The following E2F5 variants were observed in gnomAD, a reference collection of about 807,000 sequenced individuals.
The protein encoded by E2F5 is E2F transcription factor 5.
Under a neutral mutation model 39.1 loss-of-function variants are expected in E2F5, and 23 were observed. That is an observed-to-expected ratio of 0.59 (90% CI 0.42 to 0.83). E2F5 has a LOEUF of 0.83. Ranked by LOEUF, E2F5 falls within the 40% of genes least tolerant of loss-of-function variation. E2F5 has a pLI of 0.00. For missense variants in E2F5, 365 were observed against 406.7 expected, an observed-to-expected ratio of 0.90 and a Z score of 0.88; for synonymous variants, 145 against 157.8, an observed-to-expected ratio of 0.92 and a Z score of 0.61.
intron 1 of E2F5, among the ~76,000 whole-genome samples, chr8:85,181,729 G>A (rs1812219257): frequency 6.6e-6 from 1 of 150,938 alleles, no homozygotes; most frequent in Non-Finnish European, 1.5e-5. Context: ...AGAGGCCGAG[G>A]CGGGCAGATC....
At chr8:85,183,901 C>T (rs1259961848) in intron 1 of E2F5, among the ~76,000 whole-genome samples, 1 of 152,062 alleles carries the variant, frequency 6.6e-6, no homozygotes, top group East Asian at 1.9e-4. Context: ...TAAGCTGTGA[C>T]CTGATCTAAT....
chr8:85,188,533 A>G (rs1812392943), intron 1 of E2F5, among the ~76,000 whole-genome samples: 1 of 152,124 alleles, frequency 6.6e-6, no homozygotes, highest in East Asian at 1.9e-4. Flanking sequence ...CTTTTGGCAG[A>G]TGTGGCCAGC....
intron 3 of E2F5, among the ~76,000 whole-genome samples, chr8:85,205,226 T>G (rs185430413): frequency 1.4e-4 from 21 of 151,410 alleles, no homozygotes; most frequent in Admixed American, 1.4e-3. Flanking sequence ...AATCGTAGTG[T>G]TCTCCCCACC....
At position 85,212,142 on chromosome 8, in the gene E2F5, T is replaced by C; in HGVS notation, c.884-15T>C. ...TGTTAACAGAAATATAACAAAACTT[T>C]ATTACTGTTTCCAGCAGGATCTATT... is the stretch of plus-strand genomic sequence containing the variant. On this transcript the variant is annotated splice_polypyrimidine_tract_variant and intron_variant, in intron 6 of 7. Coordinates refer to ENST00000416274, the MANE Select transcript of E2F5 (RefSeq NM_001951.4). The C allele has an allele frequency of 6.2e-7, 1 of 1,601,724 alleles. No homozygotes were observed. The highest frequency in any genetic ancestry group is 8.5e-7 in the Non-Finnish European group (1 of 1,171,170).
chr8:85,184,312 A>C (rs2136041165), intron 1 of E2F5, among the ~76,000 whole-genome samples: 1 of 152,348 alleles, frequency 6.6e-6, no homozygotes, highest in African/African-American at 2.4e-5. Flanking sequence ...AACAAAATTC[A>C]ACAGCCCTTC....
intron 3 of E2F5, 102 bp from the exon 4 acceptor site, chr8:85,206,075 G>A: frequency 9.1e-7 from 1 of 1,097,610 alleles, no homozygotes; most frequent in Non-Finnish European, 1.4e-6. Flanking sequence ...CAGTCCCTCT[G>A]TGCATATGGT....
At chr8:85,186,689 ATATATATGG>A (rs1299749667) in intron 1 of E2F5, among the ~76,000 whole-genome samples, 7 of 147,244 alleles carry the variant, frequency 4.8e-5, no homozygotes, top group East Asian at 2.0e-4. Context: ...TATATATGGT[ATATATATGG>A]TATATATGGT....
At chr8:85,185,665 A>G (rs1812315132) in intron 1 of E2F5, among the ~76,000 whole-genome samples, 1 of 152,218 alleles carries the variant, frequency 6.6e-6, no homozygotes, top group Admixed American at 6.5e-5. Context: ...ACGAATTTAC[A>G]ATAAAAAACA....
In E2F5 at chr8:85,177,661, T is replaced by C. The variant is rs767714569; in HGVS notation, c.234+7T>C. 1.6e-6 allele frequency: 2 copies of C among 1,284,386 alleles called. No homozygotes were observed. The highest frequency in any genetic ancestry group is 2.0e-6 in the Non-Finnish European group (2 of 1,012,914). 79.6% of individuals were successfully genotyped at this position (1,284,386 alleles called of 1,614,324 possible). On this transcript the variant is annotated splice_region_variant and intron_variant, in intron 1 of 7. Coordinates refer to ENST00000416274, the MANE Select transcript of E2F5 (RefSeq NM_001951.4). Reference sequence around the variant, plus strand: ...CGTTCTGGATCTCAAAGCGGTGAGCTCCGGAGGCGGGGACGGGGGCGGACT... The same window carrying C: ...CGTTCTGGATCTCAAAGCGGTGAGCCCCGGAGGCGGGGACGGGGGCGGACT...
At chr8:85,190,544 C>G (rs1173116824) in intron 1 of E2F5, among the ~76,000 whole-genome samples, 2 of 124,622 alleles carry the variant, frequency 1.6e-5, no homozygotes, top group Admixed American at 9.3e-5. Context: ...CGCTCTGTCA[C>G]CCAGGTTGAA....
chr8:85,181,251 T>C (rs1211848610), intron 1 of E2F5, among the ~76,000 whole-genome samples: 2 of 152,166 alleles, frequency 1.3e-5, no homozygotes, highest in African/African-American at 2.4e-5. Context: ...TCATAAAGTA[T>C]CCTAGACCAC....
At chr8:85,184,819 C>A (rs1415311007) in intron 1 of E2F5, among the ~76,000 whole-genome samples, 3 of 152,108 alleles carry the variant, frequency 2.0e-5, no homozygotes, top group Non-Finnish European at 4.4e-5. Flanking sequence ...TGTGAAGGAC[C>A]TCTTCAAGGA....
chr8:85,181,932 T>C (rs1469925376), intron 1 of E2F5, among the ~76,000 whole-genome samples: 8 of 149,772 alleles, frequency 5.3e-5, no homozygotes, highest in Admixed American at 2.7e-4. Context: ...CTGCACTCCA[T>C]CCTGGGCGAC....
chr8:85,189,213 G>C (rs1377157190), intron 1 of E2F5, among the ~76,000 whole-genome samples: 3 of 152,070 alleles, frequency 2.0e-5, no homozygotes, highest in Admixed American at 6.5e-5. Flanking sequence ...AATTACTGAA[G>C]TATCAGTAGA....
chr8:85,214,226 T>C lies in E2F5; in HGVS notation c.*364T>C. On this transcript the variant is annotated 3_prime_UTR_variant, in exon 8 of 8. Transcript: ENST00000416274. ...GGCCAAGGACTCATTACTTGTCTTA[T>C]ATTTTTACTGCCACTAAACTGCCTG... The C allele has an allele frequency of 1.8e-6, 1 of 543,416 alleles. No homozygotes were observed. The highest frequency in any genetic ancestry group is 1.5e-5 in the South Asian group (1 of 64,946). 33.7% of individuals were successfully genotyped at this position (543,416 alleles called of 1,614,324 possible). A position where few individuals can be genotyped will look rare whatever the true frequency, so the allele number is the denominator to read the frequency against.
In E2F5 at chr8:85,177,485, G is replaced by A. The variant is rs1387973792; in HGVS notation, c.65G>A (p.Arg22Gln). 4 of 1,031,256 alleles carry A rather than the reference G, an allele frequency of 3.9e-6. No individual in the cohort carries two copies. Among genetic ancestry groups the A allele is most frequent in the African/African-American group, 3.5e-5 (2 of 57,864 alleles). 63.9% of individuals were successfully genotyped at this position (1,031,256 alleles called of 1,614,324 possible). ...QAPAGQGQGQ[R>Q]PPPQPPQAQA... ...CCGGCAGGGCAGGGGCAGGGCCAGC[G>A]GCCGCCGCCGCAGCCTCCGCAGGCG... is the stretch of plus-strand genomic sequence containing the variant. The change falls in exon 1 of 8, where the codon CGG (arginine) becomes CAG (glutamine). Residue 22 changes from arginine to glutamine, a missense_variant. Physicochemically the swap from Arg to Gln is conservative, Grantham distance 43 (BLOSUM62 1). Coordinates refer to ENST00000416274, the MANE Select transcript of E2F5 (RefSeq NM_001951.4).
rs1812712664 is a variant in E2F5, at chr8:85,202,241, A to C, written c.329A>C (p.Asn110Thr). 1 of 1,609,838 alleles carries C rather than the reference A, an allele frequency of 6.2e-7. No individual in the cohort carries two copies. The highest frequency in any genetic ancestry group is 1.7e-5 in the Admixed American group (1 of 59,560). ...GACTTGATTGAAAAAAAGTCAAAAAACAGTATCCAGTGGAAGTAAGTTACA... is the reference window on the plus strand; with the variant it reads ...GACTTGATTGAAAAAAAGTCAAAAACCAGTATCCAGTGGAAGTAAGTTACA... ...GIDLIEKKSK[N>T]SIQWKGVGAG... Residue 110 changes from asparagine (N) to threonine (T), a missense_variant, in exon 2 of 8, where the codon AAC becomes ACC. Coordinates refer to ENST00000416274, the MANE Select transcript of E2F5 (RefSeq NM_001951.4).
rs72682912 is a variant in E2F5 at position 85,188,735 on chromosome 8, C to T, written c.234+11081C>T. ...GCTGGATCTAGAGCTTCAGTCTATG[C>T]GCACTAGCCTGGAACATGGGGTTGT... On this transcript the variant is annotated intron_variant, in intron 1 of 7. Coordinates refer to ENST00000416274, the MANE Select transcript of E2F5 (RefSeq NM_001951.4). Among the ~76,000 whole-genome samples the T allele has an allele frequency of 7.3e-3, 1,109 of 152,246 alleles. 6 individuals carry two copies. The highest frequency in any genetic ancestry group is 0.012 in the Non-Finnish European group (838 of 68,012).
chr8:85,193,755 T>C (rs1017355698), intron 1 of E2F5, among the ~76,000 whole-genome samples: 7 of 152,236 alleles, frequency 4.6e-5, no homozygotes, highest in African/African-American at 1.7e-4. Context: ...GTGCTTAGCT[T>C]CTTTCACTTG....
Sources: gnomAD v4.1 joint callset for allele counts (sites outside exome capture counted in the v4.1 genomes callset) on GRCh38, gnomAD v4.1.1 for gene constraint, MANE v1.5 for transcripts, NCBI Gene and HGNC (gene_info 2026-07-23, HGNC 2026-07-21) for gene names.